C3orf70: variants seen among roughly 807,000 people sequenced by gnomAD.
The protein encoded by C3orf70 is UPF0524 protein C3orf70.
In C3orf70, 15 loss-of-function variants were observed where a neutral mutation model predicts 20.7. That is an observed-to-expected ratio of 0.72 (90% CI 0.48 to 1.11). The LOEUF is 1.11. Among genes scored for constraint, C3orf70 ranks in the 50% most tolerant of loss-of-function variants. The pLI, the probability that C3orf70 is intolerant of heterozygous loss-of-function variation, is 0.00. For missense variants in C3orf70, 332 were observed against 317.6 expected (o/e 1.05, Z -0.34); for synonymous variants, 161 against 125.7 (o/e 1.28, Z -1.88).
At position 185,149,314 on chromosome 3, in the gene C3orf70, C is replaced by A. The variant is rs189833976; in HGVS notation, c.196+3314G>T. On this transcript the variant is annotated intron_variant, in intron 1 of 1. Transcript: ENST00000335012. ...GGCTGAGGCAGGAGAATCACTTGAA[C>A]CCGGGAGGTGGAGGTTGCAGTGAGC... 7.1e-3 allele frequency among the ~76,000 whole-genome samples: 1,083 copies of A among 151,906 alleles called. 19 individuals carry two copies. Among genetic ancestry groups the A allele is most frequent in the African/African-American group, 0.025 (1,037 of 41,388 alleles).
At chr3:185,106,938 G>C (rs902321856) in intron 1 of C3orf70, among the ~76,000 whole-genome samples, 1 of 152,218 alleles carries the variant, frequency 6.6e-6, no homozygotes, top group South Asian at 2.1e-4. Context: ...AGCAGAGCCA[G>C]GACAGTGTAT....
Position 185,077,206 on chromosome 3 carries a change from T to C in C3orf70, c.*5801A>G, listed in dbSNP as rs934671252. On this transcript the variant is annotated 3_prime_UTR_variant, in exon 2 of 2. Transcript: ENST00000335012. ...CTGTCAGTGTTTCTCCTCCACTGTG[T>C]TGGGACCAGGTGCACTGAGGTAGAC... Among the ~76,000 whole-genome samples, 7 of 152,220 alleles carry C rather than the reference T, an allele frequency of 4.6e-5. No homozygotes were observed. Among genetic ancestry groups the C allele is most frequent in the African/African-American group, 1.7e-4 (7 of 41,508 alleles).
At chr3:185,121,334 C>T (rs898468000) in intron 1 of C3orf70, among the ~76,000 whole-genome samples, 2 of 150,610 alleles carry the variant, frequency 1.3e-5, no homozygotes, top group South Asian at 2.1e-4. Context: ...AAATTACCAC[C>T]TGTTCCCCAA....
chr3:185,128,879 C>T (rs758117202), intron 1 of C3orf70, among the ~76,000 whole-genome samples: 8 of 152,114 alleles, frequency 5.3e-5, no homozygotes, highest in Non-Finnish European at 8.8e-5. Context: ...TTCTAGAGAA[C>T]TTAGAGGTAA....
At chr3:185,134,082 C>T (rs1212153735) in intron 1 of C3orf70, among the ~76,000 whole-genome samples, 1 of 144,708 alleles carries the variant, frequency 6.9e-6, no homozygotes, top group African/African-American at 2.5e-5. Flanking sequence ...TACAGTGAGA[C>T]TCTGTCTCAA....
rs1715234058 is a variant in C3orf70 at position 185,077,980 on chromosome 3, T to C, written c.*5027A>G. Reference sequence around the variant, plus strand: ...TAGCACGTAGGAAAGACCTGATATATAAATGTTTCACACTTTGCAAACGTG... The same window carrying C: ...TAGCACGTAGGAAAGACCTGATATACAAATGTTTCACACTTTGCAAACGTG... On this transcript the variant is annotated 3_prime_UTR_variant, in exon 2 of 2. Transcript: ENST00000335012. 1 of 152,400 alleles carries C rather than the reference T, an allele frequency of 6.6e-6. No homozygotes were observed. Among genetic ancestry groups the C allele is most frequent in the African/African-American group, 2.4e-5 (1 of 41,414 alleles). The allele number at this position is 152,400 out of a possible 1,614,324, so 9.4% of individuals were successfully genotyped here.
chr3:185,143,481 C>T (rs1475495111), intron 1 of C3orf70, among the ~76,000 whole-genome samples: 1 of 152,118 alleles, frequency 6.6e-6, no homozygotes, highest in Non-Finnish European at 1.5e-5. Context: ...AGAATTTGTC[C>T]TACTTGGGAA....
intron 1 of C3orf70, among the ~76,000 whole-genome samples, chr3:185,090,135 G>A (rs1025062234): frequency 1.3e-5 from 2 of 152,186 alleles, no homozygotes; most frequent in African/African-American, 4.8e-5. Context: ...TTTAGATCAT[G>A]CTCTATTAGT....
At chr3:185,117,414 C>T (rs1193535530) in intron 1 of C3orf70, among the ~76,000 whole-genome samples, 1 of 127,962 alleles carries the variant, frequency 7.8e-6, no homozygotes, top group Non-Finnish European at 1.6e-5. Context: ...GTGTACCACA[C>T]ACATACACAC....
chr3:185,100,509 A>AC (rs2108592304), intron 1 of C3orf70, among the ~76,000 whole-genome samples: 1 of 152,364 alleles, frequency 6.6e-6, no homozygotes, highest in South Asian at 2.1e-4. Context: ...AAACAAAGAT[A>AC]CAACATACCA....
intron 1 of C3orf70, among the ~76,000 whole-genome samples, chr3:185,100,361 G>C (rs1326800353): frequency 2.0e-5 from 3 of 152,134 alleles, no homozygotes; most frequent in Non-Finnish European, 4.4e-5. Flanking sequence ...GGACCACAGA[G>C]CAATCAAACT....
chr3:185,077,796 G>GGC lies in C3orf70; in HGVS notation c.*5210_*5211insGC, dbSNP rs140474917. Among the ~76,000 whole-genome samples, 1 of 150,676 alleles carries GGC rather than the reference G, an allele frequency of 6.6e-6. No individual in the cohort carries two copies. Among genetic ancestry groups the GGC allele is most frequent in the African/African-American group, 2.4e-5 (1 of 40,934 alleles). ...AATGCTATTTGGTGGTGGTGGGGGG[G>GGC]GGGTATCAAGTTTTATTTGCTATAA... On this transcript the variant is annotated 3_prime_UTR_variant, in exon 2 of 2. Coordinates refer to ENST00000335012, the MANE Select transcript of C3orf70 (RefSeq NM_001025266.3).
intron 1 of C3orf70, among the ~76,000 whole-genome samples, chr3:185,138,969 G>A (rs1422482926): frequency 6.6e-6 from 1 of 152,048 alleles, no homozygotes; most frequent in African/African-American, 2.4e-5. Context: ...GGACATGGTG[G>A]CATACACCTG....
chr3:185,142,955 T>C (rs1577335350), intron 1 of C3orf70, among the ~76,000 whole-genome samples: 1 of 152,196 alleles, frequency 6.6e-6, no homozygotes, highest in Non-Finnish European at 1.5e-5. Flanking sequence ...AAAAGTGTGA[T>C]TGCTTTAGAG....
intron 1 of C3orf70, among the ~76,000 whole-genome samples, chr3:185,089,967 A>T (rs1388271631): frequency 1.3e-5 from 2 of 152,224 alleles, no homozygotes; most frequent in Non-Finnish European, 2.9e-5. Context: ...AAACACTAAC[A>T]AAGATTTATA....
intron 1 of C3orf70, among the ~76,000 whole-genome samples, chr3:185,087,375 TTCACAGCAGCA>T (rs1336257614): frequency 2.0e-5 from 3 of 152,180 alleles, no homozygotes; most frequent in African/African-American, 7.2e-5. Context: ...AATATCCATG[TTCACAGCAGCA>T]TCACTGGCAA....
chr3:185,146,060 C>CCTATCAGCTTTCTCTGTCTCTG lies in C3orf70; in HGVS notation c.196+6567_196+6568insCAGAGACAGAGAAAGCTGATAG, dbSNP rs1561370580. On this transcript the variant is annotated intron_variant, in intron 1 of 1. Transcript: ENST00000335012. Reference sequence around the variant, plus strand: ...GAACCTATCAGCTTTCTCTGTCTCTCGAAGAACCTATCAGCTTTCTCTGTC... The same window carrying CCTATCAGCTTTCTCTGTCTCTG: ...GAACCTATCAGCTTTCTCTGTCTCTCCTATCAGCTTTCTCTGTCTCTGGAAGAACCTATCAGCTTTCTCTGTC... Among the ~76,000 whole-genome samples, 47 of 143,720 alleles carry CCTATCAGCTTTCTCTGTCTCTG rather than the reference C, an allele frequency of 3.3e-4. 3 individuals carry two copies. Among genetic ancestry groups the CCTATCAGCTTTCTCTGTCTCTG allele is most frequent in the African/African-American group, 1.2e-3 (45 of 39,034 alleles). The allele number at this position is 143,720 out of a possible 152,430, so 94.3% of individuals were successfully genotyped here. A position where few individuals can be genotyped will look rare whatever the true frequency, so the allele number is the denominator to read the frequency against.
intron 1 of C3orf70, among the ~76,000 whole-genome samples, chr3:185,132,566 T>C (rs1039348069): frequency 5.3e-5 from 8 of 151,886 alleles, no homozygotes; most frequent in African/African-American, 1.9e-4. Flanking sequence ...GAAGGCAGTA[T>C]AGAGTGACAA....
chr3:185,101,378 TACAC>T (rs1715820763), intron 1 of C3orf70, among the ~76,000 whole-genome samples: 2 of 152,098 alleles, frequency 1.3e-5, no homozygotes, highest in Non-Finnish European at 2.9e-5. Context: ...TGGATCAACA[TACAC>T]ACACAAATCA....
Sources: gnomAD v4.1 joint callset for allele counts (sites outside exome capture counted in the v4.1 genomes callset) on GRCh38, gnomAD v4.1.1 for gene constraint, MANE v1.5 for transcripts, NCBI Gene and HGNC (gene_info 2026-07-23, HGNC 2026-07-21) for gene names.